The following TMEM131L variants were observed in gnomAD, a reference collection of about 807,000 sequenced individuals.
TMEM131L encodes transmembrane protein 131-like.
Under a neutral mutation model 192.2 loss-of-function variants are expected in TMEM131L, and 54 were observed. The ratio of observed to expected loss-of-function variants is 0.28; its 90% CI spans 0.23 to 0.35. The LOEUF (loss-of-function observed/expected upper bound fraction) is 0.35, where lower values mean the gene tolerates loss of function less well. Among genes scored for constraint, TMEM131L ranks in the 10% least tolerant of loss-of-function variants. The probability of loss-of-function intolerance (pLI) is 1.00; values close to 1 mark genes in which losing one functional copy is unlikely to be tolerated. For synonymous variants in TMEM131L, 701 were observed against 704.9 expected, an observed-to-expected ratio of 0.99 and a Z score of 0.09; for missense variants, 1,888 against 1,972.9, an observed-to-expected ratio of 0.96 and a Z score of 0.82.
intron 3 of TMEM131L, among the ~76,000 whole-genome samples, chr4:153,488,933 G>A (rs1254358040): frequency 2.6e-5 from 4 of 152,124 alleles, no homozygotes; most frequent in Non-Finnish European, 4.4e-5. Context: ...GGGTGTCTCC[G>A]TGCTTTCACG....
intron 23 of TMEM131L, among the ~76,000 whole-genome samples, 185 bp downstream of exon 23, chr4:153,602,912 C>T (rs765089022): frequency 5.9e-5 from 9 of 152,116 alleles, no homozygotes; most frequent in Non-Finnish European, 1.0e-4. Context: ...GTAAACTAAT[C>T]GTAAGAGAGT....
chr4:153,584,852 A>G lies in TMEM131L; in HGVS notation c.1078A>G (p.Ser360Gly), dbSNP rs1730594484. Reference protein sequence around the residue: ...FTCKAATSCDSGIIEDVKKTT... With the variant: ...FTCKAATSCDGGIIEDVKKTT... ...CCACAAAGCAGCTACATCATGTGAC[A>G]GTGGAATTATAGAAGATGTGAAGAA... Residue 360 changes from serine (S) to glycine (G), a missense_variant, in exon 12 of 35, where the codon AGT becomes GGT. Transcript: ENST00000409959. 3 of 1,613,678 alleles carry G rather than the reference A, an allele frequency of 1.9e-6. No individual in the cohort carries two copies. Among genetic ancestry groups the G allele is most frequent in the Admixed American group, 3.3e-5 (2 of 60,016 alleles).
intron 25 of TMEM131L, among the ~76,000 whole-genome samples, chr4:153,608,695 C>G (rs540455200): frequency 6.6e-6 from 1 of 152,292 alleles, no homozygotes; most frequent in African/African-American, 2.4e-5. Flanking sequence ...TTCCTATTTA[C>G]TTACAGATAC....
rs1731618419 is a variant in TMEM131L at position 153,598,675 on chromosome 4, G to A, written c.2209G>A (p.Ala737Thr). The A allele has an allele frequency of 1.9e-6, 3 of 1,613,860 alleles. No individual in the cohort carries two copies. Among genetic ancestry groups the A allele is most frequent in the African/African-American group, 2.7e-5 (2 of 74,904 alleles). The change falls in exon 21 of 35, where the codon GCA becomes ACA. Residue 737 changes from alanine (A) to threonine (T), a missense_variant. Transcript: ENST00000409959. Reference protein sequence around the residue: ...LLKVGGRLPGAGGSLRFKVPE... With the variant: ...LLKVGGRLPGTGGSLRFKVPE... ...AAAAGTGGGTGGAAGACTTCCTGGT[G>A]CAGGAGGCTCACTCCGATTTAAGGT... is the stretch of plus-strand genomic sequence containing the variant.
intron 2 of TMEM131L, among the ~76,000 whole-genome samples, chr4:153,467,970 T>C (rs547595928): frequency 1.3e-5 from 2 of 152,206 alleles, no homozygotes; most frequent in Admixed American, 6.5e-5. Flanking sequence ...TTAAATATAA[T>C]GTTGTTGACT....
intron 17 of TMEM131L, 44 bp downstream of exon 17, chr4:153,591,238 A>G (rs202083163): frequency 8.6e-6 from 13 of 1,511,790 alleles, no homozygotes; most frequent in African/African-American, 7.1e-5. Context: ...GTGACTCCCC[A>G]GTGCTTGGGT....
intron 6 of TMEM131L, 76 bp downstream of exon 6, chr4:153,557,158 A>G (rs1728526436): frequency 1.4e-6 from 1 of 710,820 alleles, no homozygotes; most frequent in African/African-American, 1.8e-5. Context: ...ATTTTTAAAA[A>G]GACTTTTGGA....
At chr4:153,558,016 C>G (rs1202142206) in intron 6 of TMEM131L, among the ~76,000 whole-genome samples, 1 of 152,214 alleles carries the variant, frequency 6.6e-6, no homozygotes, top group African/African-American at 2.4e-5. Flanking sequence ...AATGATCCAC[C>G]TCCCTGGGCC....
rs116616996 is a variant in TMEM131L at position 153,580,259 on chromosome 4, G to A, written c.661-567G>A. On this transcript the variant is annotated intron_variant, in intron 7 of 34. Coordinates refer to ENST00000409959, the MANE Select transcript of TMEM131L (RefSeq NM_001131007.2). ...AGATCTTTAAATTTGACAGAGTCTT[G>A]CATTCTTTTTATATGCTTTTGTCTC... 4.1e-3 allele frequency among the ~76,000 whole-genome samples: 630 copies of A among 152,212 alleles called. 6 individuals are homozygous for A. The highest frequency in any genetic ancestry group is 0.014 in the African/African-American group (595 of 41,540).
intron 9 of TMEM131L, among the ~76,000 whole-genome samples, chr4:153,582,858 G>A (rs1211560482): frequency 6.6e-6 from 1 of 152,124 alleles, no homozygotes; most frequent in African/African-American, 2.4e-5. Flanking sequence ...GGAGAACATA[G>A]CTTTATTTGA....
At position 153,634,285 on chromosome 4, in the gene TMEM131L, G is replaced by A. The variant is rs779733959; in HGVS notation, c.4417+5G>A. Reference sequence around the variant, plus strand: ...ATTACAATGCCTTTCCAGAAGGTAAGGGCTCTTCAGACAATCCCAACGCCA... The same window carrying A: ...ATTACAATGCCTTTCCAGAAGGTAAAGGCTCTTCAGACAATCCCAACGCCA... On this transcript the variant is annotated splice_donor_5th_base_variant and intron_variant, in intron 33 of 34. Transcript: ENST00000409959. 2 of 1,595,506 alleles carry A rather than the reference G, an allele frequency of 1.3e-6. No individual in the cohort carries two copies. Among genetic ancestry groups the A allele is most frequent in the East Asian group, 2.2e-5 (1 of 44,850 alleles).
intron 3 of TMEM131L, among the ~76,000 whole-genome samples, chr4:153,497,455 C>T (rs1733258179): frequency 1.3e-5 from 2 of 152,122 alleles, no homozygotes; most frequent in African/African-American, 4.8e-5. Flanking sequence ...AGCACCCTCC[C>T]CTGGCCTCTG....
chr4:153,621,803 A>T lies in TMEM131L; in HGVS notation c.3813A>T (p.Ala1271=). The T allele has an allele frequency of 1.9e-6, 3 of 1,614,208 alleles. No individual in the cohort carries two copies. The highest frequency in any genetic ancestry group is 1.6e-4 in the Middle Eastern group (1 of 6,062). ...IQESTREVCK[A]DAEIASSLPA... ...AAAGCACTAGGGAGGTTTGTAAAGC[A>T]GATGCCGAAATTGCAAGCAGTTTAC... Residue 1271 remains alanine, a synonymous_variant, in exon 28 of 35, where the codon GCA becomes GCT. Coordinates refer to ENST00000409959, the MANE Select transcript of TMEM131L (RefSeq NM_001131007.2).
rs1181684360 is a variant in TMEM131L at position 153,588,926 on chromosome 4, A to G, written c.1589A>G (p.Gln530Arg). Residue 530 changes from glutamine (Q) to arginine (R), a missense_variant, in exon 16 of 35, where the codon CAA becomes CGA. Coordinates refer to ENST00000409959, the MANE Select transcript of TMEM131L (RefSeq NM_001131007.2). ...PNWNGSLSLD[Q>R]STWNVDSELA... ...TGGAATGGGAGCCTTTCTCTGGATC[A>G]ATCTACCTGGAATGTGGATTCTGAA... 1.9e-6 allele frequency: 3 copies of G among 1,604,976 alleles called. No homozygotes were observed. The highest frequency in any genetic ancestry group is 2.7e-5 in the African/African-American group (2 of 74,890).
chr4:153,571,994 C>T (rs75269265), intron 7 of TMEM131L, among the ~76,000 whole-genome samples: 4,300 of 152,228 alleles, frequency 0.028, 81 homozygotes, highest in Middle Eastern at 0.044. Context: ...AGTATCTCCA[C>T]TTCTCTTTTT....
intron 4 of TMEM131L, among the ~76,000 whole-genome samples, chr4:153,551,727 T>G (rs544337530): frequency 4.6e-5 from 7 of 152,120 alleles, no homozygotes; most frequent in Non-Finnish European, 1.0e-4. Context: ...AAGAGAAAAC[T>G]GGGAGTTTGC....
intron 3 of TMEM131L, among the ~76,000 whole-genome samples, chr4:153,528,200 A>G (rs1735638160): frequency 6.6e-6 from 1 of 152,226 alleles, no homozygotes. Flanking sequence ...CAGGTGGATT[A>G]TTTAGTCGTA....
chr4:153,488,253 G>A (rs547075096), intron 3 of TMEM131L, among the ~76,000 whole-genome samples: 293 of 152,286 alleles, frequency 1.9e-3, no homozygotes, highest in African/African-American at 6.8e-3. Flanking sequence ...GGGTTGTTGG[G>A]GCATGAGGAA....
chr4:153,540,718 G>A (rs976007371), intron 3 of TMEM131L, among the ~76,000 whole-genome samples: 4 of 152,188 alleles, frequency 2.6e-5, no homozygotes, highest in South Asian at 2.1e-4. Context: ...GCTTTAAAAC[G>A]TGGCTAGTGC....
Sources: allele counts gnomAD v4.1 joint callset (sites outside exome capture counted in the v4.1 genomes callset), GRCh38; gene constraint gnomAD v4.1.1; transcripts MANE v1.5; gene names NCBI Gene and HGNC (gene_info 2026-07-23, HGNC 2026-07-21).